ZNF608: variants seen among roughly 807,000 people sequenced by gnomAD.
The protein encoded by ZNF608 is zinc finger protein 608.
ZNF608 carries 12 observed loss-of-function variants against 109.0 expected under a neutral mutation model. The ratio of observed to expected loss-of-function variants is 0.11; its 90% CI spans 0.07 to 0.18. ZNF608 has a LOEUF of 0.18. Among genes scored for constraint, ZNF608 ranks in the 10% least tolerant of loss-of-function variants. The pLI, the probability that ZNF608 is intolerant of heterozygous loss-of-function variation, is 1.00. For synonymous variants in ZNF608, 732 were observed against 717.4 expected, an observed-to-expected ratio of 1.02 and a Z score of -0.33; for missense variants, 1,707 against 1,879.3, an observed-to-expected ratio of 0.91 and a Z score of 1.70.
Position 124,673,932 on chromosome 5 carries a change from A to T in ZNF608, c.1163-24235T>A, listed in dbSNP as rs116632669. 5.6e-3 allele frequency among the ~76,000 whole-genome samples: 844 copies of T among 151,996 alleles called. 5 individuals carry two copies. Among genetic ancestry groups the T allele is most frequent in the African/African-American group, 0.019 (799 of 41,474 alleles). ...TATATACGTTTTCACTAAATATGAA[A>T]TTTTTTTTTAATTATTCAAAAGATA... On this transcript the variant is annotated intron_variant, in intron 3 of 9. Coordinates refer to ENST00000513986, the MANE Select transcript of ZNF608 (RefSeq NM_020747.3).
At chr5:124,696,223 C>A (rs143224068) in intron 3 of ZNF608, among the ~76,000 whole-genome samples, 22 of 151,892 alleles carry the variant, frequency 1.4e-4, no homozygotes, top group Admixed American at 2.6e-4. Flanking sequence ...GAGAGAGAAT[C>A]ATTTCTTTCT....
At chr5:124,666,071 G>A (rs13184530) in intron 3 of ZNF608, among the ~76,000 whole-genome samples, 17,386 of 152,286 alleles carry the variant, frequency 0.11, 1,203 homozygotes, top group East Asian at 0.22. Flanking sequence ...AAGGGAAATA[G>A]ACAATGAAGG....
At chr5:124,746,918 A>T (rs997570401), upstream of ZNF608, 1 of 125,874 alleles carries the variant, frequency 7.9e-6, no homozygotes, top group South Asian at 2.9e-4. Context: ...CTGATAAACC[A>T]GTTATAACAG....
rs142166126 is a variant in ZNF608 at position 124,647,778 on chromosome 5, G to C, written c.2606C>G (p.Ser869Trp). The change falls in exon 5 of 10, where the codon TCG becomes TGG. Residue 869 changes from serine to tryptophan, a missense_variant. Physicochemically the swap from Ser to Trp is radical, Grantham distance 177. Transcript: ENST00000513986. ...NKNEGLANGL[S>W]ESQESRMASI... Reference sequence around the variant, plus strand: ...GGCCATGCGGCTCTCCTGAGACTCCGACAGTCCATTTGCCAGCCCTTCATT... The same window carrying C: ...GGCCATGCGGCTCTCCTGAGACTCCCACAGTCCATTTGCCAGCCCTTCATT... 1.2e-6 allele frequency: 2 copies of C among 1,614,104 alleles called. No homozygotes were observed. Among genetic ancestry groups the C allele is most frequent in the Non-Finnish European group, 1.7e-6 (2 of 1,179,986 alleles).
At chr5:124,705,674 A>T (rs553589743) in intron 2 of ZNF608, among the ~76,000 whole-genome samples, 3 of 152,362 alleles carry the variant, frequency 2.0e-5, no homozygotes, top group Non-Finnish European at 4.4e-5. Flanking sequence ...AGGGGGCTTA[A>T]CCTTGAGAAG....
Position 124,744,743 on chromosome 5 carries a change from G to C in ZNF608, c.247C>G (p.Leu83Val). Reference protein sequence around the residue: ...AGATAALADGLKFASVQASAP... With the variant: ...AGATAALADGVKFASVQASAP... ...GAGGCCTGAACAGAAGCAAATTTTA[G>C]GCCATCAGCTAAGGCTGCGGTAGCA... is the stretch of plus-strand genomic sequence containing the variant. Residue 83 changes from leucine to valine, a missense_variant, in exon 2 of 10, where the codon CTA becomes GTA. Around this residue, in one of 7 missense-constraint regions of ZNF608, gnomAD observed 407 missense variants for 398.7 expected, o/e 1.02. Coordinates refer to ENST00000513986, the MANE Select transcript of ZNF608 (RefSeq NM_020747.3). This position sits in a 1 kb window ranked among gnomAD's most constrained non-coding sequence, Gnocchi z 4.5. The C allele has an allele frequency of 6.2e-7, 1 of 1,614,184 alleles. No individual in the cohort carries two copies. Among genetic ancestry groups the C allele is most frequent in the East Asian group, 2.2e-5 (1 of 44,872 alleles).
intron 2 of ZNF608, among the ~76,000 whole-genome samples, chr5:124,743,347 T>G (rs1263776298): frequency 6.6e-6 from 1 of 152,160 alleles, no homozygotes; most frequent in East Asian, 1.9e-4. Context: ...CCCAGTCAGG[T>G]ATCCAAGTGA....
chr5:124,677,409 T>C (rs1044770461), intron 3 of ZNF608, among the ~76,000 whole-genome samples: 1 of 152,220 alleles, frequency 6.6e-6, no homozygotes, highest in Non-Finnish European at 1.5e-5. Flanking sequence ...ACACACAGTC[T>C]ATGGTGTCCT....
intron 2 of ZNF608, among the ~76,000 whole-genome samples, chr5:124,731,304 G>A (rs565756533): frequency 1.1e-4 from 16 of 152,208 alleles, no homozygotes; most frequent in Admixed American, 4.6e-4. Flanking sequence ...TCTGCCTCCC[G>A]GGTTCAAGCG....
At chr5:124,731,212 G>C (rs1164428064) in intron 2 of ZNF608, among the ~76,000 whole-genome samples, 1 of 152,090 alleles carries the variant, frequency 6.6e-6, no homozygotes, top group Non-Finnish European at 1.5e-5. Context: ...CAGTGTTATT[G>C]TTTTTTGGGT....
intron 2 of ZNF608, among the ~76,000 whole-genome samples, chr5:124,731,623 C>T (rs1748906724): frequency 6.6e-6 from 1 of 151,792 alleles, no homozygotes; most frequent in Admixed American, 6.6e-5. Flanking sequence ...GCCAGGAGTT[C>T]GAGACTAGCC....
chr5:124,702,126 A>G (rs1401346296), intron 2 of ZNF608, among the ~76,000 whole-genome samples: 3 of 152,190 alleles, frequency 2.0e-5, no homozygotes, highest in Non-Finnish European at 4.4e-5. Context: ...AAAAAGTTTA[A>G]AAGTCTGGCC....
intron 8 of ZNF608, among the ~76,000 whole-genome samples, chr5:124,639,767 CT>C (rs1750153724): frequency 6.6e-6 from 1 of 152,102 alleles, no homozygotes; most frequent in South Asian, 2.1e-4. Flanking sequence ...ATGATGTTGC[CT>C]AACAGAGAAT....
chr5:124,726,444 T>C lies in ZNF608; in HGVS notation c.906+17640A>G, dbSNP rs549601505. ...ACCTCCAAAATCCAGGTATTTTCCT[T>C]AATTCTCATTCTTTCACAACTCCAC... On this transcript the variant is annotated intron_variant, in intron 2 of 9. Coordinates refer to ENST00000513986, the MANE Select transcript of ZNF608 (RefSeq NM_020747.3). 2.1e-4 allele frequency among the ~76,000 whole-genome samples: 32 copies of C among 152,238 alleles called. 1 individual carries two copies. Among genetic ancestry groups the C allele is most frequent in the Non-Finnish European group, 3.5e-4 (24 of 68,022 alleles).
chr5:124,719,073 T>C (rs986520186), intron 2 of ZNF608, among the ~76,000 whole-genome samples: 2 of 152,246 alleles, frequency 1.3e-5, no homozygotes, highest in Non-Finnish European at 2.9e-5. Flanking sequence ...GAAATTAACA[T>C]GGTTCTTTTC....
intron 3 of ZNF608, among the ~76,000 whole-genome samples, chr5:124,685,522 C>T (rs567235112): frequency 6.6e-6 from 1 of 152,112 alleles, no homozygotes; most frequent in Admixed American, 6.6e-5. Flanking sequence ...CAGTTGCATA[C>T]CCACTGGTAG....
chr5:124,695,955 G>A (rs182818680), intron 3 of ZNF608, among the ~76,000 whole-genome samples: 2,054 of 152,146 alleles, frequency 0.014, 41 homozygotes, highest in African/African-American at 0.047. Context: ...AGGCCAAGGC[G>A]GGTGGATCAC....
chr5:124,741,755 C>A (rs750904794), intron 2 of ZNF608, among the ~76,000 whole-genome samples: 2 of 152,128 alleles, frequency 1.3e-5, no homozygotes, highest in Non-Finnish European at 2.9e-5. Flanking sequence ...GGCATTCATG[C>A]AAGGGAGTGC....
At chr5:124,711,472 A>C (rs965675470) in intron 2 of ZNF608, among the ~76,000 whole-genome samples, 45 of 152,226 alleles carry the variant, frequency 3.0e-4, no homozygotes, top group African/African-American at 1.0e-3. Flanking sequence ...TAGATGCTTG[A>C]AGACTATTAT....
Sources: gnomAD v4.1 joint callset for allele counts (sites outside exome capture counted in the v4.1 genomes callset) on GRCh38, gnomAD v4.1.1 for gene constraint, gnomAD v4.1.1 regional missense constraint, Gnocchi (gnomAD v3.1) non-coding constraint, MANE v1.5 for transcripts, NCBI Gene and HGNC (gene_info 2026-07-23, HGNC 2026-07-21) for gene names.